LRRC56: variants seen among roughly 807,000 people sequenced by gnomAD.
LRRC56 encodes leucine rich repeat containing 56.
LRRC56 carries 41 observed loss-of-function variants against 47.8 expected under a neutral mutation model. The observed-to-expected ratio is 0.86, with a 90% CI of 0.67 to 1.11. LRRC56 has a LOEUF of 1.11. Among genes scored for constraint, LRRC56 ranks in the 50% most tolerant of loss-of-function variants. The pLI, the probability that LRRC56 is intolerant of heterozygous loss-of-function variation, is 0.00. For missense variants in LRRC56, 759 were observed against 704.2 expected, an observed-to-expected ratio of 1.08 and a Z score of -0.88; for synonymous variants, 387 against 311.2, an observed-to-expected ratio of 1.24 and a Z score of -2.56.
chr11:530,339 G>A, the LRRC56 span, among the ~76,000 whole-genome samples: 10 of 152,360 alleles, frequency 6.6e-5, no homozygotes, highest in African/African-American at 1.4e-4. Flanking sequence ...GGTGGCACCC[G>A]GCAGCCCTAG....
chr11:548,511 G>A (rs1487244913), intron 6 of LRRC56, among the ~76,000 whole-genome samples: 1 of 152,210 alleles, frequency 6.6e-6, no homozygotes, highest in Non-Finnish European at 1.5e-5. Context: ...AGGCTGGAGT[G>A]CAGTGGCGCA....
At chr11:529,467 C>G in the LRRC56 span, 1 of 152,270 alleles carries the variant, frequency 6.6e-6, no homozygotes, top group African/African-American at 2.4e-5. Flanking sequence ...CAGCCAGACA[C>G]GGAGCCCTCT....
chr11:547,166 A>T (rs1473069124), intron 6 of LRRC56, among the ~76,000 whole-genome samples: 1 of 151,946 alleles, frequency 6.6e-6, no homozygotes, highest in East Asian at 2.0e-4. Context: ...TGGGAGGTGG[A>T]GGTTGCAGTG....
chr11:533,674 G>C (rs1467469423), upstream of LRRC56: 1 of 1,612,034 alleles, frequency 6.2e-7, no homozygotes, highest in Non-Finnish European at 8.5e-7. Flanking sequence ...TCCAGGACAT[G>C]CGCAGAGAGG....
the LRRC56 span, among the ~76,000 whole-genome samples, chr11:522,559 C>G: frequency 6.6e-6 from 1 of 152,140 alleles, no homozygotes; most frequent in Admixed American, 6.6e-5. Context: ...AGCCACCGCA[C>G]CTGGCCATTT....
the LRRC56 span, among the ~76,000 whole-genome samples, chr11:514,997 G>A: frequency 6.6e-6 from 1 of 152,238 alleles, no homozygotes; most frequent in East Asian, 1.9e-4. Context: ...CTGCCTGGCT[G>A]AACCTGAAAT....
At chr11:517,112 G>A in the LRRC56 span, among the ~76,000 whole-genome samples, 1 of 152,364 alleles carries the variant, frequency 6.6e-6, no homozygotes, top group African/African-American at 2.4e-5. Flanking sequence ...GGCCTCCCGG[G>A]GTGCTGGGAT....
chr11:544,684 G>A, intron 5 of LRRC56, 36 bp from the exon 6 acceptor site: 2 of 1,610,408 alleles, frequency 1.2e-6, no homozygotes, highest in Non-Finnish European at 1.7e-6. Context: ...GCGGGGTGAG[G>A]GGCCGGGCCA....
At chr11:528,159 G>A in the LRRC56 span, among the ~76,000 whole-genome samples, 1 of 152,196 alleles carries the variant, frequency 6.6e-6, no homozygotes, top group African/African-American at 2.4e-5. Flanking sequence ...TTTTATCCAG[G>A]CCTCCCTGGA....
At chr11:551,434 A>G (rs1298167092) in intron 9 of LRRC56, 132 bp downstream of exon 9, 6 of 787,726 alleles carry the variant, frequency 7.6e-6, no homozygotes, top group African/African-American at 1.8e-5. Flanking sequence ...CGGTCCCCAG[A>G]GCTGTGCACA....
chr11:531,917 G>A, the LRRC56 span, among the ~76,000 whole-genome samples: 2 of 152,214 alleles, frequency 1.3e-5, no homozygotes, highest in Non-Finnish European at 2.9e-5. Flanking sequence ...AAGGCTCCCA[G>A]CAGAGACCAG....
the LRRC56 span, among the ~76,000 whole-genome samples, chr11:527,001 T>C: frequency 6.6e-6 from 1 of 151,250 alleles, no homozygotes; most frequent in Admixed American, 6.6e-5. Flanking sequence ...AATCTTCTAA[T>C]GTTAGAAATT....
chr11:524,848 T>G, the LRRC56 span, among the ~76,000 whole-genome samples: 10 of 152,164 alleles, frequency 6.6e-5, no homozygotes, highest in African/African-American at 2.2e-4. Context: ...ATCCCAGCAC[T>G]TTGGGAGGCC....
Position 550,141 on chromosome 11 carries a change from C to G in LRRC56, c.493C>G (p.Leu165Val), listed in dbSNP as rs762420823. ...PLCLLEQLEV[L>V]DLEGNSVEDL... ...GTGCCTGCTGGAACAATTGGAGGTGCTGGACCTGGAGGGCAACAGCGTGGA... is the reference window on the plus strand; with the variant it reads ...GTGCCTGCTGGAACAATTGGAGGTGGTGGACCTGGAGGGCAACAGCGTGGA... The change falls in exon 8 of 14, where the codon CTG becomes GTG. Residue 165 changes from leucine to valine, a missense_variant. Physicochemically the swap from Leu to Val is conservative, Grantham distance 32 (BLOSUM62 1). Coordinates refer to ENST00000270115, the MANE Select transcript of LRRC56 (RefSeq NM_198075.4). 4 of 1,613,542 alleles carry G rather than the reference C, an allele frequency of 2.5e-6. No homozygotes were observed. Among genetic ancestry groups the G allele is most frequent in the Non-Finnish European group, 3.4e-6 (4 of 1,179,918 alleles).
chr11:545,230 G>T (rs1454867008), intron 6 of LRRC56, among the ~76,000 whole-genome samples: 1 of 152,350 alleles, frequency 6.6e-6, no homozygotes, highest in Non-Finnish European at 1.5e-5. Context: ...ATGCCAGGTC[G>T]TGTGGCCAGC....
At chr11:528,768 T>C in the LRRC56 span, 1 of 153,328 alleles carries the variant, frequency 6.5e-6, no homozygotes, top group Non-Finnish European at 1.5e-5. Context: ...CACATACACG[T>C]GCACACACAT....
the LRRC56 span, among the ~76,000 whole-genome samples, chr11:512,737 T>C: frequency 1.8e-4 from 27 of 152,358 alleles, no homozygotes; most frequent in Admixed American, 5.2e-4. Flanking sequence ...CTCAATACTA[T>C]ATGAGTGGTA....
upstream of LRRC56, chr11:534,480 G>GC (rs1851334411): frequency 4.7e-6 from 3 of 632,836 alleles, no homozygotes; most frequent in Middle Eastern, 4.2e-4. Context: ...CGGTCCCTGG[G>GC]CCCCAACGCC....
chr11:524,207 GC>G, the LRRC56 span, among the ~76,000 whole-genome samples: 1 of 152,196 alleles, frequency 6.6e-6, no homozygotes, highest in African/African-American at 2.4e-5. Context: ...TGGAGTGACA[GC>G]GTGAGGCCAG....
Sources: allele counts gnomAD v4.1 joint callset (sites outside exome capture counted in the v4.1 genomes callset), GRCh38; gene constraint gnomAD v4.1.1; transcripts MANE v1.5; gene names NCBI Gene and HGNC (gene_info 2026-07-23, HGNC 2026-07-21).